Variants in CCNI observed in about 807,000 individuals in gnomAD.
CCNI encodes the protein cyclin I, also known as cyclin-I.
Under a neutral mutation model 34.1 loss-of-function variants are expected in CCNI, and 14 were observed. That is an observed-to-expected ratio of 0.41 (90% confidence interval 0.27 to 0.64). The LOEUF is 0.64. Ranked by LOEUF, CCNI falls within the 30% of genes least tolerant of loss-of-function variation. The probability of loss-of-function intolerance (pLI) is 0.31; values close to 1 mark genes in which losing one functional copy is unlikely to be tolerated. For missense variants in CCNI, 385 were observed against 440.5 expected, an observed-to-expected ratio of 0.87 and a Z score of 1.13; for synonymous variants, 154 against 158.4, an observed-to-expected ratio of 0.97 and a Z score of 0.21.
intron 2 of CCNI, 91 bp downstream of exon 2, chr4:77,066,158 T>C (rs377575375): frequency 1.2e-5 from 13 of 1,040,988 alleles, no homozygotes; most frequent in African/African-American, 6.3e-5. Flanking sequence ...TGGTACACAC[T>C]CCTCCAATGT....
chr4:77,055,543 A>C (rs1728164265), intron 5 of CCNI, among the ~76,000 whole-genome samples, 163 bp from the exon 6 acceptor site: 1 of 151,838 alleles, frequency 6.6e-6, no homozygotes, highest in African/African-American at 2.4e-5. Context: ...ACTCACTGCA[A>C]CATCCGCCTC....
chr4:77,054,092 G>A (rs533979982), intron 6 of CCNI, among the ~76,000 whole-genome samples: 1 of 151,740 alleles, frequency 6.6e-6, no homozygotes, highest in South Asian at 2.1e-4. Flanking sequence ...TGGAAGCACT[G>A]ACATACTTGT....
At chr4:77,070,470 CTTT>C (rs1329531471) in intron 1 of CCNI, among the ~76,000 whole-genome samples, 29 of 137,898 alleles carry the variant, frequency 2.1e-4, no homozygotes, top group African/African-American at 7.7e-4. Flanking sequence ...GGTTTGGGTA[CTTT>C]CTTTTTTTTT....
At chr4:77,050,064 C>G (rs116354219) in intron 6 of CCNI, among the ~76,000 whole-genome samples, 3 of 152,126 alleles carry the variant, frequency 2.0e-5, no homozygotes, top group Non-Finnish European at 2.9e-5. Flanking sequence ...GCCTTATTTC[C>G]TAGCATACCC....
At chr4:77,065,725 A>G (rs1728983669) in intron 2 of CCNI, among the ~76,000 whole-genome samples, 1 of 152,258 alleles carries the variant, frequency 6.6e-6, no homozygotes, top group Admixed American at 6.5e-5. Context: ...TGTAACTCAG[A>G]TAACAACAAA....
Position 77,048,962 on chromosome 4 carries a change from G to GTTTTTTTTTTT in CCNI, c.691-311_691-301dup, listed in dbSNP as rs538284505. ...AACTACTTTTTTGTATCCAACGTCTGTTTTTTTTTTTTTTTTTTTTTTTTT... is the reference window on the plus strand; with the variant it reads ...AACTACTTTTTTGTATCCAACGTCTGTTTTTTTTTTTTTTTTTTTTTTTTTTTTTTTTTTTT... On this transcript the variant is annotated intron_variant, in intron 6 of 6. Coordinates refer to ENST00000237654, the MANE Select transcript of CCNI (RefSeq NM_006835.3). Among the ~76,000 whole-genome samples the GTTTTTTTTTTT allele has an allele frequency of 4.8e-4, 23 of 47,652 alleles. 2 individuals carry two copies. Among genetic ancestry groups the GTTTTTTTTTTT allele is most frequent in the East Asian group, 1.1e-3 (2 of 1,876 alleles). 31.3% of individuals were successfully genotyped at this position (47,652 alleles called of 152,430 possible).
At position 77,066,278 on chromosome 4, in the gene CCNI, C is replaced by T. The variant is rs1363559511; in HGVS notation, c.85G>A (p.Val29Met). The T allele has an allele frequency of 1.9e-6, 3 of 1,613,978 alleles. No homozygotes were observed. Among genetic ancestry groups the T allele is most frequent in the Non-Finnish European group, 1.7e-6 (2 of 1,179,996 alleles). Residue 29 changes from valine to methionine, a missense_variant, in exon 2 of 7, where the codon GTG (valine) becomes ATG (methionine). Physicochemically the swap from Val to Met is conservative, Grantham distance 21. Coordinates refer to ENST00000237654, the MANE Select transcript of CCNI (RefSeq NM_006835.3). ...AITREAQMWKVNVRKMPSNQN... is the reference protein window; with the variant it reads ...AITREAQMWKMNVRKMPSNQN... ...TTTGAAGGCATTTTCCGCACATTCA[C>T]TTTCCACATCTGTGCTTCCCTAGTG... is the stretch of plus-strand genomic sequence containing the variant.
intron 6 of CCNI, among the ~76,000 whole-genome samples, chr4:77,051,145 A>C (rs1181491767): frequency 6.6e-6 from 1 of 152,162 alleles, no homozygotes; most frequent in Non-Finnish European, 1.5e-5. Context: ...CACAAATTCC[A>C]GGTTTTTTTG....
At chr4:77,055,574 T>C (rs1176061188) in intron 5 of CCNI, among the ~76,000 whole-genome samples, 194 bp from the exon 6 acceptor site, 2 of 151,780 alleles carry the variant, frequency 1.3e-5, no homozygotes, top group African/African-American at 4.8e-5. Flanking sequence ...GCAATTCTCC[T>C]GCCTGCCTCA....
At chr4:77,064,942 A>C (rs963870124) in intron 2 of CCNI, 1 of 152,260 alleles carries the variant, frequency 6.6e-6, no homozygotes, top group Non-Finnish European at 1.5e-5. Flanking sequence ...AGCCTCCCAA[A>C]GTGCTGGGAC....
chr4:77,052,531 C>G (rs1727937103), intron 6 of CCNI, among the ~76,000 whole-genome samples: 1 of 152,082 alleles, frequency 6.6e-6, no homozygotes, highest in African/African-American at 2.4e-5. Context: ...GATTGCCTTT[C>G]AAACCTGGGA....
chr4:77,071,313 T>G (rs765107248), intron 1 of CCNI, among the ~76,000 whole-genome samples: 2 of 152,090 alleles, frequency 1.3e-5, no homozygotes, highest in Admixed American at 6.6e-5. Flanking sequence ...TTGAGATGAG[T>G]GAAAATGAAG....
Position 77,066,378 on chromosome 4 carries a change from T to C in CCNI, c.-16A>G, listed in dbSNP as rs145926827. On this transcript the variant is annotated 5_prime_UTR_variant, in exon 2 of 7. Coordinates refer to ENST00000237654, the MANE Select transcript of CCNI (RefSeq NM_006835.3). Reference sequence around the variant, plus strand: ...GAAACTTCATGATATCCTTTGGATCTGCCTGCTACCCAGCTTGCTGTAGCT... The same window carrying C: ...GAAACTTCATGATATCCTTTGGATCCGCCTGCTACCCAGCTTGCTGTAGCT... 92 of 1,613,694 alleles carry C rather than the reference T, an allele frequency of 5.7e-5. No individual in the cohort carries two copies. Among genetic ancestry groups the C allele is most frequent in the Middle Eastern group, 5.0e-4 (3 of 6,060 alleles).
intron 2 of CCNI, among the ~76,000 whole-genome samples, chr4:77,063,816 T>C (rs1169781134): frequency 6.6e-6 from 1 of 152,146 alleles, no homozygotes; most frequent in African/African-American, 2.4e-5. Context: ...CACCCAAATT[T>C]TACAAGTATT....
Position 77,047,902 on chromosome 4 carries a change from T to C in CCNI, c.*317A>G, listed in dbSNP as rs1727535601. Reference sequence around the variant, plus strand: ...AGGATTGCTGGCCATGAATTTTAATTGAATTTTTGACGGGGCAAGCTACGT... The same window carrying C: ...AGGATTGCTGGCCATGAATTTTAATCGAATTTTTGACGGGGCAAGCTACGT... On this transcript the variant is annotated 3_prime_UTR_variant, in exon 7 of 7. Transcript: ENST00000237654. The C allele has an allele frequency of 2.4e-5, 5 of 205,820 alleles. 1 individual carries two copies. The South Asian group carries it at 6.0e-4, about 25-fold the overall frequency. 12.7% of individuals were successfully genotyped at this position (205,820 alleles called of 1,614,324 possible).
intron 1 of CCNI, among the ~76,000 whole-genome samples, chr4:77,067,906 G>A (rs942319716): frequency 7.9e-5 from 12 of 151,742 alleles, no homozygotes; most frequent in African/African-American, 2.7e-4. Context: ...GGCTGGGCAC[G>A]GTGGCTCACA....
At chr4:77,050,351 C>T (rs1727744020) in intron 6 of CCNI, among the ~76,000 whole-genome samples, 1 of 152,052 alleles carries the variant, frequency 6.6e-6, no homozygotes, top group Non-Finnish European at 1.5e-5. Flanking sequence ...TGACTGTTTG[C>T]AATACCACAG....
In CCNI at chr4:77,056,121, AACAGGG is replaced by A. The variant is rs781490022; in HGVS notation, c.319-25_319-20del. 2 of 1,611,092 alleles carry A rather than the reference AACAGGG, an allele frequency of 1.2e-6. No individual in the cohort carries two copies. The highest frequency in any genetic ancestry group is 1.1e-5 in the South Asian group (1 of 90,674). On this transcript the variant is annotated intron_variant, in intron 4 of 6. Transcript: ENST00000237654. ...GAATTCTCTATCCAAAGCAAAGGGG[AACAGGG>A]ACAGGGAGAAAAGGACAGAAAAGAA... is the stretch of plus-strand genomic sequence containing the variant.
intron 1 of CCNI, among the ~76,000 whole-genome samples, chr4:77,068,687 G>A (rs1729228805): frequency 7.1e-6 from 1 of 141,132 alleles, no homozygotes; most frequent in South Asian, 2.2e-4. Context: ...CAGATTCATG[G>A]GCTCTAAGAA....
Sources: allele counts gnomAD v4.1 joint callset (sites outside exome capture counted in the v4.1 genomes callset), GRCh38; gene constraint gnomAD v4.1.1; transcripts MANE v1.5; gene names NCBI Gene and HGNC (gene_info 2026-07-23, HGNC 2026-07-21).